The following NRCAM variants were observed in gnomAD, a reference collection of about 807,000 sequenced individuals.
The protein encoded by NRCAM is NgCAM-related cell adhesion molecule.
NRCAM carries 83 observed loss-of-function variants against 156.5 expected under a neutral mutation model. The observed-to-expected ratio is 0.53, with a 90% CI of 0.44 to 0.64. NRCAM has a LOEUF of 0.64. NRCAM is among the 30% of genes least tolerant of loss of function. NRCAM has a pLI of 0.00. For synonymous variants in NRCAM, 538 were observed against 563.9 expected (o/e 0.95, Z 0.65); for missense variants, 1,417 against 1,597.3 (o/e 0.89, Z 1.92).
chr7:108,208,105 C>T (rs2082108908), intron 12 of NRCAM, among the ~76,000 whole-genome samples: 1 of 149,402 alleles, frequency 6.7e-6, no homozygotes, highest in Non-Finnish European at 1.5e-5. Flanking sequence ...ACCAGCCTGG[C>T]CGACATGGTA....
At chr7:108,390,537 T>C (rs187625378) in intron 2 of NRCAM, among the ~76,000 whole-genome samples, 65 of 152,312 alleles carry the variant, frequency 4.3e-4, no homozygotes, top group Non-Finnish European at 8.1e-4. Flanking sequence ...CTGGATGCAT[T>C]GATTTTTTGA....
chr7:108,181,845 G>A lies in NRCAM; in HGVS notation c.2623C>T (p.Arg875Ter), dbSNP rs2063673773. 1.9e-6 allele frequency: 3 copies of A among 1,613,746 alleles called. No individual in the cohort carries two copies. Among genetic ancestry groups the A allele is most frequent in the Non-Finnish European group, 2.5e-6 (3 of 1,179,694 alleles). Residue 875 changes from arginine to a stop codon, truncating the protein, a stop_gained, in exon 24 of 33, where the codon CGA (arginine) becomes TGA (stop). Transcript: ENST00000379028. LOFTEE classifies it high-confidence loss of function. ...GCCCGATAGCCTTGTAGGTGTCCTCGGATGCTTTTCAGAGGTACTGGGTCC... is the reference window on the plus strand; with the variant it reads ...GCCCGATAGCCTTGTAGGTGTCCTCAGATGCTTTTCAGAGGTACTGGGTCC... ...HWDPVPLKSI[R>*]GHLQGYRIYY...
intron 3 of NRCAM, among the ~76,000 whole-genome samples, chr7:108,278,223 C>T (rs2097715336): frequency 6.6e-6 from 1 of 152,246 alleles, no homozygotes; most frequent in African/African-American, 2.4e-5. Flanking sequence ...GCAGTCTGTC[C>T]ATTATCGGAT....
rs2064211532 is a variant in NRCAM, at chr7:108,182,709, T to C, written c.2516A>G (p.His839Arg). ...GCATCACTTACGGTCTTCTCCAGAA[T>C]GTCCCATGACTACAGCTGGCTCGGG... ...FAPEPAVVMG[H>R]SGEDLPMVAP... The change falls in exon 23 of 33, where the codon CAT (histidine) becomes CGT (arginine). Residue 839 changes from histidine (H) to arginine (R), a missense_variant. Transcript: ENST00000379028. 1.2e-6 allele frequency: 2 copies of C among 1,614,070 alleles called. No homozygotes were observed. The highest frequency in any genetic ancestry group is 1.7e-6 in the Non-Finnish European group (2 of 1,180,004).
chr7:108,302,147 T>A (rs1305855761), intron 3 of NRCAM, among the ~76,000 whole-genome samples: 1 of 151,996 alleles, frequency 6.6e-6, no homozygotes, highest in Admixed American at 6.6e-5. Flanking sequence ...AATAATGACA[T>A]ATTGTTCCGT....
At chr7:108,266,257 ACCAT>A (rs1320782310) in intron 3 of NRCAM, among the ~76,000 whole-genome samples, 14 of 152,194 alleles carry the variant, frequency 9.2e-5, no homozygotes, top group Admixed American at 9.2e-4. Flanking sequence ...CATGGCCTCA[ACCAT>A]TTTGAGTCAA....
chr7:108,284,687 C>T (rs1236858947), intron 3 of NRCAM, among the ~76,000 whole-genome samples: 2 of 152,190 alleles, frequency 1.3e-5, no homozygotes, highest in African/African-American at 4.8e-5. Context: ...CTGTGCCCAA[C>T]TCAAAGCTTA....
intron 1 of NRCAM, among the ~76,000 whole-genome samples, chr7:108,425,274 A>G (rs1815634394): frequency 6.6e-6 from 1 of 152,156 alleles, no homozygotes; most frequent in South Asian, 2.1e-4. Context: ...TAAAAGACAA[A>G]GTTTTATTTT....
chr7:108,242,921 TAAAAG>T (rs2095631368), intron 3 of NRCAM: 1 of 152,208 alleles, frequency 6.6e-6, no homozygotes, highest in Non-Finnish European at 1.5e-5. Context: ...CAAATTCATA[TAAAAG>T]AAAGTATCAA....
Position 108,155,450 on chromosome 7 carries a change from C to G in NRCAM, c.3677+4013G>C, listed in dbSNP as rs2044750288. Among the ~76,000 whole-genome samples the G allele has an allele frequency of 2.0e-5, 3 of 151,948 alleles. No individual in the cohort carries two copies. The South Asian group carries it at 6.2e-4, about 32-fold the overall frequency. On this transcript the variant is annotated intron_variant, in intron 32 of 32. Transcript: ENST00000379028. ...GATACTTAGATTCATGAATCAGGATCATTGTGCAGTGGAAAGAAATGTTCC... is the reference window on the plus strand; with the variant it reads ...GATACTTAGATTCATGAATCAGGATGATTGTGCAGTGGAAAGAAATGTTCC...
chr7:108,220,271 C>A (rs1046254080), intron 11 of NRCAM, among the ~76,000 whole-genome samples: 3 of 152,068 alleles, frequency 2.0e-5, no homozygotes, highest in Non-Finnish European at 4.4e-5. Context: ...TGACATACTG[C>A]CAAAAGCAAT....
intron 11 of NRCAM, among the ~76,000 whole-genome samples, chr7:108,216,020 AT>A (rs1453700005): frequency 6.6e-6 from 1 of 152,106 alleles, no homozygotes; most frequent in Non-Finnish European, 1.5e-5. Flanking sequence ...GGTGTTTACA[AT>A]TCGTTATGTT....
intron 20 of NRCAM, among the ~76,000 whole-genome samples, chr7:108,186,987 T>C (rs947644187): frequency 6.6e-6 from 1 of 152,236 alleles, no homozygotes; most frequent in African/African-American, 2.4e-5. Flanking sequence ...GTTTGACAGA[T>C]GTCACTGTGT....
At chr7:108,345,338 TC>T (rs2099345166) in intron 2 of NRCAM, among the ~76,000 whole-genome samples, 1 of 152,110 alleles carries the variant, frequency 6.6e-6, no homozygotes, top group Admixed American at 6.6e-5. Flanking sequence ...GTTCCCAAAA[TC>T]CCATGGGAAG....
At chr7:108,453,958 C>T (rs1336182422) in intron 1 of NRCAM, among the ~76,000 whole-genome samples, 1 of 152,044 alleles carries the variant, frequency 6.6e-6, no homozygotes, top group Non-Finnish European at 1.5e-5. Context: ...CATTTGCAGT[C>T]AAAACCGTGT....
intron 2 of NRCAM, among the ~76,000 whole-genome samples, chr7:108,352,603 TACA>T (rs1269979073): frequency 6.6e-6 from 1 of 152,228 alleles, no homozygotes; most frequent in Non-Finnish European, 1.5e-5. Flanking sequence ...AATAACCACA[TACA>T]GAAATGTTTT....
chr7:108,433,559 T>C (rs1327870246), intron 1 of NRCAM, among the ~76,000 whole-genome samples: 1 of 152,224 alleles, frequency 6.6e-6, no homozygotes, highest in African/African-American at 2.4e-5. Context: ...GGCAGATCTC[T>C]AGTGAATTGG....
At chr7:108,416,832 T>A (rs982806648) in intron 1 of NRCAM, among the ~76,000 whole-genome samples, 3 of 152,232 alleles carry the variant, frequency 2.0e-5, no homozygotes, top group African/African-American at 7.2e-5. Context: ...AGGTTCCTCA[T>A]GGATCTTACT....
intron 2 of NRCAM, among the ~76,000 whole-genome samples, chr7:108,390,100 A>G (rs988043517): frequency 1.3e-5 from 2 of 151,926 alleles, no homozygotes; most frequent in Admixed American, 1.3e-4. Flanking sequence ...CCCTTTTTCT[A>G]TTGATTGGAA....
Sources: gnomAD v4.1 joint callset for allele counts (sites outside exome capture counted in the v4.1 genomes callset) on GRCh38, gnomAD v4.1.1 for gene constraint, MANE v1.5 for transcripts, NCBI Gene and HGNC (gene_info 2026-07-23, HGNC 2026-07-21) for gene names.